RIN2: variants seen among roughly 807,000 people sequenced by gnomAD.
The protein encoded by RIN2 is Ras and Rab interactor 2.
Under a neutral mutation model 78.0 loss-of-function variants are expected in RIN2, and 36 were observed. The ratio of observed to expected loss-of-function variants is 0.46; its 90% confidence interval spans 0.35 to 0.61. RIN2 has a LOEUF of 0.61. RIN2 is among the 20% of genes least tolerant of loss of function. The probability of loss-of-function intolerance (pLI) is 0.00; values close to 1 mark genes in which losing one functional copy is unlikely to be tolerated. For missense variants in RIN2, 1,087 were observed against 1,159.7 expected, an observed-to-expected ratio of 0.94 and a Z score of 0.91; for synonymous variants, 466 against 466.8, an observed-to-expected ratio of 1.00 and a Z score of 0.02.
At chr20:19,917,396 T>C (rs889084719) in intron 3 of RIN2, among the ~76,000 whole-genome samples, 1 of 152,226 alleles carries the variant, frequency 6.6e-6, no homozygotes. Flanking sequence ...AATTCCAGGC[T>C]CTCTGTTAAT....
rs964578747 is a variant in RIN2, at chr20:19,996,546, G to A, written c.2201-133G>A. The A allele has an allele frequency of 3.5e-6, 3 of 858,302 alleles. No individual in the cohort carries two copies. In the Admixed American group the frequency reaches 6.5e-5, roughly 19 times the overall value. 53.2% of individuals were successfully genotyped at this position (858,302 alleles called of 1,614,324 possible). On this transcript the variant is annotated intron_variant, in intron 11 of 12. Coordinates refer to ENST00000255006, the MANE Select transcript of RIN2 (RefSeq NM_018993.4). ...GCCATGCTCTTGGGTGTGTGCTTCT[G>A]TGATCCCACAAGGAAATGCATGTTG...
At chr20:19,814,498 CACA>C (rs2035704756) in intron 2 of RIN2, among the ~76,000 whole-genome samples, 1 of 152,178 alleles carries the variant, frequency 6.6e-6, no homozygotes. Flanking sequence ...AACAATCACT[CACA>C]ACAACTGGTG....
At chr20:19,866,485 T>C (rs2037511320) in intron 2 of RIN2, among the ~76,000 whole-genome samples, 1 of 152,216 alleles carries the variant, frequency 6.6e-6, no homozygotes, top group Admixed American at 6.5e-5. Flanking sequence ...ATGTTACATC[T>C]TTAAACCTTT....
chr20:19,827,810 C>CT (rs34007899), intron 2 of RIN2, among the ~76,000 whole-genome samples: 38,664 of 138,318 alleles, frequency 0.28, 5,809 homozygotes, highest in Middle Eastern at 0.4. Flanking sequence ...TTCTTTTTTT[C>CT]TTTTTTTTTT....
chr20:19,979,821 T>A (rs2042388623), intron 9 of RIN2, among the ~76,000 whole-genome samples: 1 of 151,842 alleles, frequency 6.6e-6, no homozygotes, highest in Admixed American at 6.6e-5. Flanking sequence ...GGTGGGTGGA[T>A]CACCTGAGGT....
intron 2 of RIN2, among the ~76,000 whole-genome samples, chr20:19,812,534 C>A (rs1461746314): frequency 6.6e-6 from 1 of 152,186 alleles, no homozygotes; most frequent in African/African-American, 2.4e-5. Flanking sequence ...CTGTTCAAAT[C>A]TTTTGCTTAT....
chr20:19,989,957 T>G, intron 9 of RIN2, 49 bp from the exon 10 acceptor site: 1 of 1,458,772 alleles, frequency 6.9e-7, no homozygotes. Flanking sequence ...GATGTTGCAT[T>G]TCTTCTTTCT....
At chr20:19,907,908 T>G (rs2039286448) in intron 3 of RIN2, among the ~76,000 whole-genome samples, 1 of 152,148 alleles carries the variant, frequency 6.6e-6, no homozygotes, top group Non-Finnish European at 1.5e-5. Context: ...AAGGTGGGAT[T>G]AATAAATCCC....
At chr20:19,993,115 G>A (rs893497707) in intron 11 of RIN2, among the ~76,000 whole-genome samples, 26 of 152,156 alleles carry the variant, frequency 1.7e-4, no homozygotes, top group Non-Finnish European at 3.8e-4. Context: ...TGGCACAGTA[G>A]TGCACAGCCT....
At chr20:19,926,075 C>T (rs947362603) in intron 3 of RIN2, among the ~76,000 whole-genome samples, 2 of 152,104 alleles carry the variant, frequency 1.3e-5, no homozygotes, top group Admixed American at 6.6e-5. Flanking sequence ...TACAATTTGT[C>T]GAGTGAAATT....
At chr20:19,819,049 C>T (rs1270358026) in intron 2 of RIN2, among the ~76,000 whole-genome samples, 11 of 152,104 alleles carry the variant, frequency 7.2e-5, no homozygotes, top group Admixed American at 7.2e-4. Context: ...CGTGGGCATA[C>T]ATATAGGGTC....
chr20:19,997,100 G>GAT, intron 12 of RIN2, among the ~76,000 whole-genome samples: 1 of 152,104 alleles, frequency 6.6e-6, no homozygotes, highest in Non-Finnish European at 1.5e-5. Context: ...TCAAGCAGAC[G>GAT]ATAAGTCAAA....
chr20:19,954,251 CA>C, intron 4 of RIN2, among the ~76,000 whole-genome samples: 1 of 152,324 alleles, frequency 6.6e-6, no homozygotes, highest in Middle Eastern at 3.4e-3. Flanking sequence ...ATCATACATT[CA>C]GTTTCATTAT....
At chr20:19,861,132 T>TCCTG (rs1459002258) in intron 2 of RIN2, among the ~76,000 whole-genome samples, 1 of 152,216 alleles carries the variant, frequency 6.6e-6, no homozygotes, top group East Asian at 1.9e-4. Flanking sequence ...GTGTCAAATG[T>TCCTG]CCTGCTTTGA....
At chr20:19,852,962 C>A (rs1246628144) in intron 2 of RIN2, among the ~76,000 whole-genome samples, 1 of 151,562 alleles carries the variant, frequency 6.6e-6, no homozygotes, top group Non-Finnish European at 1.5e-5. Context: ...TATACATGTG[C>A]CATGTTGGTG....
At chr20:19,774,394 C>T (rs1344951869) in intron 1 of RIN2, among the ~76,000 whole-genome samples, 2 of 152,030 alleles carry the variant, frequency 1.3e-5, no homozygotes, top group Non-Finnish European at 2.9e-5. Context: ...ATTTTTCTTA[C>T]AGGAGCATAT....
intron 2 of RIN2, among the ~76,000 whole-genome samples, chr20:19,853,242 A>C (rs1055074867): frequency 7.2e-4 from 109 of 152,044 alleles, no homozygotes; most frequent in Non-Finnish European, 1.3e-3. Context: ...ATAGTATTCC[A>C]TGGTGTGTAT....
chr20:19,823,622 C>T (rs2035994196), intron 2 of RIN2: 1 of 1,549,816 alleles, frequency 6.5e-7, no homozygotes, highest in South Asian at 1.1e-5. Context: ...TTGACGATCT[C>T]ATCAAAAGTG....
intron 1 of RIN2, among the ~76,000 whole-genome samples, chr20:19,790,585 A>C (rs2034857936): frequency 1.3e-5 from 2 of 152,128 alleles, no homozygotes; most frequent in Non-Finnish European, 2.9e-5. Context: ...TGAGTCCAGG[A>C]GGAGTTCAAG....
Sources: allele counts gnomAD v4.1 joint callset (sites outside exome capture counted in the v4.1 genomes callset), GRCh38; gene constraint gnomAD v4.1.1; transcripts MANE v1.5; gene names NCBI Gene and HGNC (gene_info 2026-07-23, HGNC 2026-07-21).